Variants in PELI2 observed in about 807,000 individuals in gnomAD.
PELI2 encodes the protein E3 ubiquitin-protein ligase pellino homolog 2.
In PELI2, 23 loss-of-function variants were observed where a neutral mutation model predicts 42.3. That is an observed-to-expected ratio of 0.54 (90% CI 0.39 to 0.77). PELI2 has a LOEUF of 0.77. Ranked by LOEUF, PELI2 falls within the 30% of genes least tolerant of loss-of-function variation. The probability of loss-of-function intolerance (pLI) is 0.00; values close to 1 mark genes in which losing one functional copy is unlikely to be tolerated. For missense variants in PELI2, 463 were observed against 553.2 expected, an observed-to-expected ratio of 0.84 and a Z score of 1.64; for synonymous variants, 245 against 212.2, an observed-to-expected ratio of 1.15 and a Z score of -1.34.
intron 1 of PELI2, among the ~76,000 whole-genome samples, chr14:56,124,338 C>T (rs1004665430): frequency 6.6e-6 from 1 of 152,126 alleles, no homozygotes; most frequent in African/African-American, 2.4e-5. Flanking sequence ...TCATTTTTCA[C>T]CCTTTTGCAT....
At chr14:56,282,218 A>G (rs1889504150) in intron 3 of PELI2, among the ~76,000 whole-genome samples, 2 of 152,148 alleles carry the variant, frequency 1.3e-5, no homozygotes, top group African/African-American at 4.8e-5. Context: ...GAGCCCTCCA[A>G]GGGTATAAAA....
intron 2 of PELI2, among the ~76,000 whole-genome samples, chr14:56,254,810 A>G (rs1888466941): frequency 6.6e-6 from 1 of 152,168 alleles, no homozygotes; most frequent in South Asian, 2.1e-4. Context: ...AAACAACCCT[A>G]TCAAAAAGTG....
intron 2 of PELI2, among the ~76,000 whole-genome samples, chr14:56,274,809 C>T (rs1036653286): frequency 6.6e-6 from 1 of 152,232 alleles, no homozygotes; most frequent in African/African-American, 2.4e-5. Flanking sequence ...CTGGTCTGGG[C>T]ATCTGGGATT....
chr14:56,195,432 C>G (rs1294765249), intron 2 of PELI2, among the ~76,000 whole-genome samples: 11 of 152,256 alleles, frequency 7.2e-5, no homozygotes, highest in South Asian at 2.1e-4. Flanking sequence ...GGTCCTACCC[C>G]CTCCCCTCAC....
At chr14:56,225,198 C>T (rs905385801) in intron 2 of PELI2, among the ~76,000 whole-genome samples, 8 of 152,088 alleles carry the variant, frequency 5.3e-5, no homozygotes, top group Non-Finnish European at 1.0e-4. Flanking sequence ...CCAGGAATTC[C>T]GAGCAGCAGC....
At chr14:56,279,652 A>G (rs1889409982) in intron 2 of PELI2, 24 bp from the exon 3 acceptor site, 1 of 1,350,436 alleles carries the variant, frequency 7.4e-7, no homozygotes, top group Non-Finnish European at 1.1e-6. Flanking sequence ...ATTGTAATGG[A>G]TTTTTTTAAA....
chr14:56,288,744 A>C lies in PELI2; in HGVS notation c.507+110A>C. 7 of 744,044 alleles carry C rather than the reference A, an allele frequency of 9.4e-6. No homozygotes were observed. In the South Asian group the frequency reaches 1.3e-4, roughly 13 times the overall value. The allele number at this position is 744,044 out of a possible 1,614,324, so 46.1% of individuals were successfully genotyped here. On this transcript the variant is annotated intron_variant, in intron 4 of 5. Transcript: ENST00000267460. This position sits in a 1 kb window ranked among gnomAD's most constrained non-coding sequence, Gnocchi z 4.6. ...GGCTTTGTATGTTGCCTCTAGTGAG[A>C]TTTTGAGATTTTAGTTTTCAGGTGG...
At chr14:56,266,729 A>G (rs1888919874) in intron 2 of PELI2, among the ~76,000 whole-genome samples, 1 of 152,000 alleles carries the variant, frequency 6.6e-6, no homozygotes, top group Admixed American at 6.6e-5. Context: ...TGATTGAACA[A>G]TTTTGTTTCT....
chr14:56,140,525 A>C (rs1389526860), intron 1 of PELI2, among the ~76,000 whole-genome samples: 1 of 152,220 alleles, frequency 6.6e-6, no homozygotes, highest in African/African-American at 2.4e-5. Flanking sequence ...TCCTGTTTTG[A>C]AAACAAGTTT....
chr14:56,186,086 A>G (rs998658001), intron 2 of PELI2, among the ~76,000 whole-genome samples: 4 of 152,142 alleles, frequency 2.6e-5, no homozygotes, highest in African/African-American at 9.7e-5. Context: ...AGCATCCTTA[A>G]TAGTGAAAGG....
At chr14:56,185,213 C>T (rs1313330703) in intron 2 of PELI2, among the ~76,000 whole-genome samples, 1 of 152,018 alleles carries the variant, frequency 6.6e-6, no homozygotes, top group Non-Finnish European at 1.5e-5. Context: ...ATTACATTTC[C>T]ATTAATTTTG....
chr14:56,223,910 A>G (rs1253710529), intron 2 of PELI2, among the ~76,000 whole-genome samples: 1 of 152,220 alleles, frequency 6.6e-6, no homozygotes. Context: ...GTTTTCCCGT[A>G]CCATCCAGCA....
rs779342787 is a variant in PELI2 at position 56,290,459 on chromosome 14, G to A, written c.696+3G>A. 4 of 1,588,682 alleles carry A rather than the reference G, an allele frequency of 2.5e-6. No homozygotes were observed. The highest frequency in any genetic ancestry group is 2.6e-6 in the Non-Finnish European group (3 of 1,163,472). ...CGGCCCAGCAACGAGGAAAGCTGGT[G>A]AGTGTGCTTCACTCTGCAAGTGTGA... On this transcript the variant is annotated splice_donor_region_variant and intron_variant, in intron 5 of 5. Coordinates refer to ENST00000267460, the MANE Select transcript of PELI2 (RefSeq NM_021255.3).
At chr14:56,237,757 A>C (rs715757) in intron 2 of PELI2, among the ~76,000 whole-genome samples, 61,010 of 150,538 alleles carry the variant, frequency 0.41, 13,051 homozygotes, top group South Asian at 0.53. Flanking sequence ...TATGACCTAA[A>C]CATGTCAGAG....
intron 2 of PELI2, among the ~76,000 whole-genome samples, chr14:56,232,838 A>T (rs549616779): frequency 6.6e-6 from 1 of 150,414 alleles, no homozygotes; most frequent in African/African-American, 2.4e-5. Flanking sequence ...TGCAGATGAC[A>T]TGATTGTCTA....
intron 2 of PELI2, among the ~76,000 whole-genome samples, chr14:56,226,846 G>A (rs1245321020): frequency 6.6e-6 from 1 of 152,126 alleles, no homozygotes; most frequent in Non-Finnish European, 1.5e-5. Context: ...TCAGATATTA[G>A]CACTTTAAAA....
intron 2 of PELI2, among the ~76,000 whole-genome samples, chr14:56,230,243 C>T (rs1887507691): frequency 1.3e-5 from 2 of 152,282 alleles, no homozygotes; most frequent in African/African-American, 4.8e-5. Flanking sequence ...TCATGAAATA[C>T]AGAGAATGCC....
At chr14:56,194,741 A>G (rs1347690590) in intron 2 of PELI2, among the ~76,000 whole-genome samples, 2 of 152,238 alleles carry the variant, frequency 1.3e-5, no homozygotes, top group Non-Finnish European at 2.9e-5. Context: ...CCCCACGTCC[A>G]GAGACTGGCA....
intron 1 of PELI2, among the ~76,000 whole-genome samples, chr14:56,125,185 G>A (rs1278382190): frequency 1.3e-5 from 2 of 152,100 alleles, no homozygotes; most frequent in East Asian, 1.9e-4. Context: ...ACCTAGTTTC[G>A]TGTGATTGAC....
Sources: gnomAD v4.1 joint callset for allele counts (sites outside exome capture counted in the v4.1 genomes callset) on GRCh38, gnomAD v4.1.1 for gene constraint, Gnocchi (gnomAD v3.1) non-coding constraint, MANE v1.5 for transcripts, NCBI Gene and HGNC (gene_info 2026-07-23, HGNC 2026-07-21) for gene names.